FOXP1: variants seen among roughly 807,000 people sequenced by gnomAD.
FOXP1 encodes forkhead box protein P1.
FOXP1 carries 15 observed loss-of-function variants against 98.2 expected under a neutral mutation model. The observed-to-expected ratio is 0.15, with a 90% CI of 0.10 to 0.24. The LOEUF is 0.24. Among genes scored for constraint, FOXP1 ranks in the 10% least tolerant of loss-of-function variants. FOXP1 has a pLI of 1.00. For missense variants in FOXP1, 633 were observed against 848.5 expected (o/e 0.75, Z 3.15); for synonymous variants, 371 against 314.5 (o/e 1.18, Z -1.90).
chr3:70,978,775 T>C (rs564027233), intron 14 of FOXP1, among the ~76,000 whole-genome samples: 1 of 152,220 alleles, frequency 6.6e-6, no homozygotes, highest in Non-Finnish European at 1.5e-5. Flanking sequence ...CTTAACAGCA[T>C]TATGAATAAC....
At chr3:71,389,365 C>G (rs1189128732) in intron 3 of FOXP1, among the ~76,000 whole-genome samples, 2 of 151,804 alleles carry the variant, frequency 1.3e-5, no homozygotes, top group African/African-American at 2.4e-5. Context: ...ATGAGCGACA[C>G]CTGCGTTCCT....
intron 6 of FOXP1, among the ~76,000 whole-genome samples, chr3:71,125,331 C>T (rs149289795): frequency 2.6e-5 from 4 of 152,282 alleles, no homozygotes; most frequent in East Asian, 1.9e-4. Flanking sequence ...GAACGACATA[C>T]ACACAAAAAG....
chr3:71,103,407 A>G (rs1204522596), intron 7 of FOXP1, among the ~76,000 whole-genome samples: 1 of 151,848 alleles, frequency 6.6e-6, no homozygotes, highest in African/African-American at 2.4e-5. Flanking sequence ...TGATTTTAGA[A>G]GTGTATTTCT....
intron 2 of FOXP1, chr3:71,573,735 A>T (rs2047516973): frequency 6.6e-6 from 1 of 152,140 alleles, no homozygotes; most frequent in Non-Finnish European, 1.5e-5. Context: ...TTGCTTATGG[A>T]CATAGATGTT....
At chr3:71,000,845 A>AAAATAAAATG (rs1295925524) in intron 13 of FOXP1, 127 bp downstream of exon 13, 1 of 412,220 alleles carries the variant, frequency 2.4e-6, no homozygotes, top group Non-Finnish European at 4.4e-6. Context: ...AAAATAAAAT[A>AAAATAAAATG]AAGGACAATG....
intron 1 of FOXP1, among the ~76,000 whole-genome samples, chr3:71,583,110 G>A (rs1378643859): frequency 6.6e-6 from 1 of 151,720 alleles, no homozygotes; most frequent in Non-Finnish European, 1.5e-5. Flanking sequence ...GGACGCCAAC[G>A]CCGGACATCG....
rs1395893103 is a variant in FOXP1 at position 70,977,978 on chromosome 3, G to C, written c.1198C>G (p.Pro400Ala). Reference protein sequence around the residue: ...TLSKSASEASPQSLPHTPTTP... With the variant: ...TLSKSASEASAQSLPHTPTTP... ...GTTGGAGTATGAGGTAAGCTCTGTG[G>C]AGAAGCCTCCGATGCGGACTTGGAG... Residue 400 changes from proline (P) to alanine (A), a missense_variant, in exon 15 of 21, where the codon CCA becomes GCA. By Grantham distance (27) the Pro-to-Ala change is conservative (BLOSUM62 -1). This residue lies in a region of FOXP1 where 141 missense variants were observed against 199.5 expected (regional missense o/e 0.71). Coordinates refer to ENST00000649528, the MANE Select transcript of FOXP1 (RefSeq NM_001349338.3). The C allele has an allele frequency of 2.5e-6, 4 of 1,614,044 alleles. No individual in the cohort carries two copies. The African/African-American group carries it at 4.0e-5, about 16-fold the overall frequency.
At chr3:71,313,612 G>A (rs2074861999) in intron 4 of FOXP1, among the ~76,000 whole-genome samples, 2 of 151,212 alleles carry the variant, frequency 1.3e-5, no homozygotes, top group Admixed American at 1.3e-4. Context: ...TGCAAGCTCC[G>A]CCTCCCGGGT....
rs111656554 is a variant in FOXP1, at chr3:71,281,040, A to C, written c.-12+18780T>G. Among the ~76,000 whole-genome samples the C allele has an allele frequency of 0.024, 468 of 19,488 alleles. 20 individuals carry two copies. The East Asian group carries it at 0.42, about 18-fold the overall frequency. 12.8% of individuals were successfully genotyped at this position (19,488 alleles called of 152,430 possible). On this transcript the variant is annotated intron_variant, in intron 5 of 20. Transcript: ENST00000649528. ...CAACATGGCAAAGCCCCTTCTCTAC[A>C]AAAAAAAAAAAAAAAAAAAAAGAAG...
intron 3 of FOXP1, among the ~76,000 whole-genome samples, chr3:71,445,804 C>T (rs562951389): frequency 7.2e-5 from 11 of 151,800 alleles, no homozygotes; most frequent in Non-Finnish European, 1.2e-4. Context: ...TCTCCTGCCT[C>T]GGCCTCCCAA....
intron 5 of FOXP1, among the ~76,000 whole-genome samples, chr3:71,207,961 C>T (rs1269347792): frequency 1.3e-5 from 2 of 152,270 alleles, no homozygotes; most frequent in East Asian, 3.9e-4. Context: ...CAGGTAAGAA[C>T]CACAGGTAAG....
At chr3:71,102,816 A>G (rs2057082565) in intron 7 of FOXP1, among the ~76,000 whole-genome samples, 1 of 152,138 alleles carries the variant, frequency 6.6e-6, no homozygotes, top group Non-Finnish European at 1.5e-5. Flanking sequence ...AGTAGAGTGT[A>G]ATGGATGAAA....
At chr3:71,484,249 C>T (rs949997271) in intron 3 of FOXP1, among the ~76,000 whole-genome samples, 1 of 152,186 alleles carries the variant, frequency 6.6e-6, no homozygotes, top group African/African-American at 2.4e-5. Flanking sequence ...GTAAATAATA[C>T]ACGTCCCTTG....
intron 5 of FOXP1, among the ~76,000 whole-genome samples, chr3:71,209,511 A>G (rs553435239): frequency 2.0e-5 from 3 of 152,354 alleles, no homozygotes; most frequent in African/African-American, 7.2e-5. Flanking sequence ...ATATCAGTTT[A>G]TGATGTTTTC....
intron 11 of FOXP1, among the ~76,000 whole-genome samples, chr3:71,036,725 C>A (rs1348290752): frequency 6.6e-6 from 1 of 152,062 alleles, no homozygotes; most frequent in South Asian, 2.1e-4. Context: ...CTGTTTCAGA[C>A]CAAAATGATT....
At chr3:71,399,773 T>C (rs1346106874) in intron 3 of FOXP1, among the ~76,000 whole-genome samples, 2 of 152,216 alleles carry the variant, frequency 1.3e-5, no homozygotes, top group Non-Finnish European at 2.9e-5. Context: ...ATTTTATGTA[T>C]AACTACAGTC....
In FOXP1 at chr3:70,979,298, A is replaced by G. The variant is rs2038301608; in HGVS notation, c.1147-1269T>C. On this transcript the variant is annotated intron_variant, in intron 14 of 20. Coordinates refer to ENST00000649528, the MANE Select transcript of FOXP1 (RefSeq NM_001349338.3). ...CTACCTCAAAAAAAAAAAAAAAAAA[A>G]AAAAAAAAAAAAAAAAAAAAAAGAA... is the stretch of plus-strand genomic sequence containing the variant. Among the ~76,000 whole-genome samples the G allele has an allele frequency of 4.1e-5, 6 of 146,254 alleles. No homozygotes were observed. In the South Asian group the frequency reaches 6.6e-4, roughly 16 times the overall value.
At chr3:71,259,919 C>T (rs2068952468) in intron 5 of FOXP1, among the ~76,000 whole-genome samples, 1 of 152,058 alleles carries the variant, frequency 6.6e-6, no homozygotes, top group Non-Finnish European at 1.5e-5. Flanking sequence ...CAGCGTGGTA[C>T]CCAGTTAGGC....
chr3:71,007,277 G>A (rs996877547), intron 12 of FOXP1, among the ~76,000 whole-genome samples: 4 of 152,002 alleles, frequency 2.6e-5, no homozygotes, highest in Admixed American at 6.6e-5. Flanking sequence ...TCATCTTCTC[G>A]AGATTTAAAT....
Sources: allele counts gnomAD v4.1 joint callset (sites outside exome capture counted in the v4.1 genomes callset), GRCh38; gene constraint gnomAD v4.1.1; regional missense constraint gnomAD v4.1.1; transcripts MANE v1.5; gene names NCBI Gene and HGNC (gene_info 2026-07-23, HGNC 2026-07-21).